ZNF451: variants seen among roughly 807,000 people sequenced by gnomAD.
The protein encoded by ZNF451 is zinc finger protein 451.
A neutral mutation model predicts 107.1 loss-of-function variants in ZNF451; 80 were observed. The observed-to-expected ratio is 0.75, with a 90% confidence interval of 0.62 to 0.90. ZNF451 has a LOEUF of 0.90. Among genes scored for constraint, ZNF451 ranks in the 40% least tolerant of loss-of-function variants. The pLI, the probability that ZNF451 is intolerant of heterozygous loss-of-function variation, is 0.00. For synonymous variants in ZNF451, 362 were observed against 406.5 expected, an observed-to-expected ratio of 0.89 and a Z score of 1.32; for missense variants, 1,107 against 1,236.2, an observed-to-expected ratio of 0.90 and a Z score of 1.57.
At chr6:57,157,334 G>A (rs902911941) in intron 13 of ZNF451, among the ~76,000 whole-genome samples, 2 of 152,106 alleles carry the variant, frequency 1.3e-5, no homozygotes, top group African/African-American at 2.4e-5. Context: ...TAATTTCTCT[G>A]TTAATTGAAA....
At position 57,166,345 on chromosome 6, in the gene ZNF451, A is replaced by T. The variant is rs574375744; in HGVS notation, c.3140-2078A>T. Among the ~76,000 whole-genome samples the T allele has an allele frequency of 5.7e-4, 87 of 151,968 alleles. 2 individuals carry two copies. The highest frequency in any genetic ancestry group is 1.5e-3 in the African/African-American group (61 of 41,452). ...CCTGGCCTATACTACATTTAAAAAA[A>T]TTTTTTTTTCTTCAGTAATCAGTTC... is the stretch of plus-strand genomic sequence containing the variant. On this transcript the variant is annotated intron_variant, in intron 14 of 14. Transcript: ENST00000370706.
Position 57,105,459 on chromosome 6 carries a change from T to C in ZNF451, c.186+6318T>C, listed in dbSNP as rs1317883488. ...GCATATATTGCTGGTGGTATTTATGTGAATTTTGTACAGTGATTTAATCTT... is the reference window on the plus strand; with the variant it reads ...GCATATATTGCTGGTGGTATTTATGCGAATTTTGTACAGTGATTTAATCTT... On this transcript the variant is annotated intron_variant, in intron 3 of 14. Transcript: ENST00000370706. The C allele has an allele frequency of 4.1e-6, 4 of 985,290 alleles. No individual in the cohort carries two copies. The African/African-American group carries it at 5.2e-5, about 13-fold the overall frequency. The allele number at this position is 985,290 out of a possible 1,614,324, so 61.0% of individuals were successfully genotyped here.
chr6:57,154,255 T>A, intron 13 of ZNF451: 1 of 608,914 alleles, frequency 1.6e-6, no homozygotes, highest in Non-Finnish European at 2.9e-6. Flanking sequence ...AATAATTTTC[T>A]GGAGCTTTTT....
chr6:57,148,761 T>C (rs558257860), intron 10 of ZNF451, 68 bp downstream of exon 10: 1 of 1,439,280 alleles, frequency 6.9e-7, no homozygotes, highest in East Asian at 2.3e-5. Context: ...CCCACCTCGA[T>C]TCAATTTTGA....
intron 3 of ZNF451, chr6:57,109,341 T>TA (rs1830010134): frequency 3.0e-6 from 3 of 985,258 alleles, no homozygotes; most frequent in Non-Finnish European, 3.6e-6. Flanking sequence ...GATATTGGTT[T>TA]AATGGAAGGA....
chr6:57,162,397 A>T (rs1763707327), intron 14 of ZNF451, among the ~76,000 whole-genome samples: 6 of 152,194 alleles, frequency 3.9e-5, no homozygotes, highest in African/African-American at 1.4e-4. Flanking sequence ...GATTAAGTAG[A>T]TAGCTGTAAT....
intron 7 of ZNF451, among the ~76,000 whole-genome samples, chr6:57,135,983 T>A (rs1773990820): frequency 1.3e-5 from 2 of 152,196 alleles, no homozygotes; most frequent in African/African-American, 4.8e-5. Context: ...CAGCAGAGAA[T>A]TAAAGCTTGC....
chr6:57,109,592 GT>G, intron 3 of ZNF451: 1 of 985,286 alleles, frequency 1.0e-6, no homozygotes, highest in Non-Finnish European at 1.2e-6. Context: ...ATTTTAAAAT[GT>G]TATTTAACAG....
chr6:57,094,684 T>C (rs1829206470), intron 2 of ZNF451, among the ~76,000 whole-genome samples: 2 of 152,188 alleles, frequency 1.3e-5, no homozygotes, highest in African/African-American at 2.4e-5. Flanking sequence ...TTTTGAGAAA[T>C]TGGTAATTTA....
At chr6:57,107,263 G>A (rs1252464237) in intron 3 of ZNF451, 32 of 985,024 alleles carry the variant, frequency 3.2e-5, no homozygotes, top group East Asian at 1.1e-4. Context: ...TCCCATAATC[G>A]CTTTGATGTA....
At chr6:57,127,410 G>C (rs1318909383) in intron 4 of ZNF451, among the ~76,000 whole-genome samples, 2 of 152,122 alleles carry the variant, frequency 1.3e-5, no homozygotes, top group African/African-American at 2.4e-5. Context: ...GCTGTAATTT[G>C]AACAATGTTA....
chr6:57,158,526 C>T (rs1439577165), intron 13 of ZNF451: 10 of 985,178 alleles, frequency 1.0e-5, no homozygotes, highest in African/African-American at 5.2e-5. Context: ...ACAGGCTCCT[C>T]GAGATGTTGG....
intron 3 of ZNF451, chr6:57,101,868 T>A: frequency 1.9e-6 from 3 of 1,550,592 alleles, no homozygotes; most frequent in Non-Finnish European, 2.6e-6. Flanking sequence ...GTACTTCCCT[T>A]TTTGGACAAG....
chr6:57,108,731 C>T (rs1280928601), intron 3 of ZNF451: 1 of 985,286 alleles, frequency 1.0e-6, no homozygotes, highest in Non-Finnish European at 1.2e-6. Context: ...GTTTAATTGT[C>T]ATCTTCCTGC....
Position 57,147,761 on chromosome 6 carries a change from AT to A in ZNF451, c.1681del (p.Tyr561MetfsTer6), listed in dbSNP as rs764483380. On this transcript the variant is annotated frameshift_variant, in exon 10 of 15. Coordinates refer to ENST00000370706, the MANE Select transcript of ZNF451 (RefSeq NM_001031623.3). LOFTEE classifies it high-confidence loss of function. ...HVTEFHNGHR[Y>X]FYEMDEVEGE... ...ACTGAATTTCATAATGGACACAGAT[AT>A]TTTTATGAGATGGATGAGGTAGAAG... 6.2e-7 allele frequency: 1 copy of A among 1,613,868 alleles called. No individual in the cohort carries two copies.
chr6:57,095,613 G>T (rs76474754), intron 2 of ZNF451, among the ~76,000 whole-genome samples: 2,014 of 151,640 alleles, frequency 0.013, 49 homozygotes, highest in African/African-American at 0.045. Flanking sequence ...GATTATAGGC[G>T]TGATCTACCA....
At chr6:57,105,580 T>C (rs1432442669) in intron 3 of ZNF451, 2 of 985,300 alleles carry the variant, frequency 2.0e-6, no homozygotes, top group African/African-American at 3.5e-5. Flanking sequence ...TTTCAGAAGG[T>C]TGTAGAGTAT....
rs1763652261 is a variant in ZNF451, at chr6:57,161,091, C to T, written c.3078C>T (p.Asp1026=). ...ATTGATTCTTCTTTACAGAATGTGACAGTGATGATAACATGGGTGCCAAAA... is the reference window on the plus strand; with the variant it reads ...ATTGATTCTTCTTTACAGAATGTGATAGTGATGATAACATGGGTGCCAAAA... ...NSISDTTKEC[D]SDDNMGAKNT... Residue 1026 remains aspartate (D), a synonymous_variant, in exon 14 of 15, where the codon GAC becomes GAT. Transcript: ENST00000370706. The T allele has an allele frequency of 6.4e-7, 1 of 1,554,728 alleles. No homozygotes were observed. The highest frequency in any genetic ancestry group is 8.7e-7 in the Non-Finnish European group (1 of 1,155,970).
chr6:57,104,257 A>T (rs982045468), intron 3 of ZNF451: 2 of 985,196 alleles, frequency 2.0e-6, no homozygotes, highest in African/African-American at 3.5e-5. Flanking sequence ...TGTGTATTGC[A>T]CCAATCAAGC....
Sources: gnomAD v4.1 joint callset for allele counts (sites outside exome capture counted in the v4.1 genomes callset) on GRCh38, gnomAD v4.1.1 for gene constraint, MANE v1.5 for transcripts, NCBI Gene and HGNC (gene_info 2026-07-23, HGNC 2026-07-21) for gene names.